Variants in CNDP1 observed in about 807,000 individuals in gnomAD.
CNDP1 encodes beta-Ala-His dipeptidase.
CNDP1 carries 44 observed loss-of-function variants against 58.1 expected under a neutral mutation model. That is an observed-to-expected ratio of 0.76 (90% confidence interval 0.60 to 0.97). The LOEUF (loss-of-function observed/expected upper bound fraction) is 0.97. Among genes scored for constraint, CNDP1 ranks in the 50% least tolerant of loss-of-function variants. CNDP1 has a pLI of 0.00. For missense variants in CNDP1, 616 were observed against 655.1 expected, an observed-to-expected ratio of 0.94 and a Z score of 0.65; for synonymous variants, 254 against 252.6, an observed-to-expected ratio of 1.01 and a Z score of -0.05.
At chr18:74,579,208 C>CCCTTCCCTTG (rs1555711491) in intron 9 of CNDP1, among the ~76,000 whole-genome samples, 255 of 37,968 alleles carry the variant, frequency 6.7e-3, no homozygotes, top group African/African-American at 0.02. Flanking sequence ...CCCTTGCCTT[C>CCCTTCCCTTG]CCTTCCCTTC....
chr18:74,569,045 G>A (rs1335868067), intron 6 of CNDP1, among the ~76,000 whole-genome samples: 1 of 152,156 alleles, frequency 6.6e-6, no homozygotes, highest in Non-Finnish European at 1.5e-5. Flanking sequence ...CATCTTGGAA[G>A]GGTCAAGGGA....
chr18:74,536,383 A>T (rs1980487063), intron 1 of CNDP1, among the ~76,000 whole-genome samples: 1 of 152,240 alleles, frequency 6.6e-6, no homozygotes, highest in African/African-American at 2.4e-5. Context: ...AAATGAGAAC[A>T]TGCAGTGTCT....
intron 1 of CNDP1, among the ~76,000 whole-genome samples, chr18:74,547,941 G>A (rs1432469948): frequency 1.3e-5 from 2 of 152,114 alleles, no homozygotes; most frequent in African/African-American, 4.8e-5. Flanking sequence ...AATAAACACA[G>A]GCCTATGCAG....
At chr18:74,573,361 A>G (rs931413213) in intron 7 of CNDP1, among the ~76,000 whole-genome samples, 1 of 145,218 alleles carries the variant, frequency 6.9e-6, no homozygotes, top group Non-Finnish European at 1.5e-5. Flanking sequence ...TTCATTATCT[A>G]TCCATCTATC....
intron 10 of CNDP1, among the ~76,000 whole-genome samples, chr18:74,582,091 A>G (rs1234514083): frequency 6.6e-6 from 1 of 152,220 alleles, no homozygotes; most frequent in African/African-American, 2.4e-5. Context: ...TTTCGCCAGT[A>G]AACTTTAGGA....
chr18:74,539,677 T>C (rs1034433792), intron 1 of CNDP1, among the ~76,000 whole-genome samples: 23 of 152,248 alleles, frequency 1.5e-4, no homozygotes, highest in African/African-American at 4.8e-4. Context: ...GCGGTGGCCA[T>C]GAGCTCAGGT....
intron 7 of CNDP1, among the ~76,000 whole-genome samples, chr18:74,571,841 G>A (rs1258765677): frequency 6.6e-6 from 1 of 152,162 alleles, no homozygotes; most frequent in Non-Finnish European, 1.5e-5. Context: ...TTCTGGGTGT[G>A]GGTGACCAGG....
chr18:74,550,733 C>A (rs112112253), intron 1 of CNDP1, among the ~76,000 whole-genome samples: 4 of 142,738 alleles, frequency 2.8e-5, no homozygotes, highest in African/African-American at 7.9e-5. Flanking sequence ...CCTGCCACCA[C>A]GCCCGACTAT....
chr18:74,576,736 C>A (rs1219981901), intron 7 of CNDP1, 133 bp from the exon 8 acceptor site: 1 of 693,170 alleles, frequency 1.4e-6, no homozygotes, highest in Non-Finnish European at 2.3e-6. Flanking sequence ...CTGCCAATGG[C>A]TTTGGCCACG....
chr18:74,566,537 T>C (rs534930296), intron 5 of CNDP1, among the ~76,000 whole-genome samples: 29 of 152,344 alleles, frequency 1.9e-4, no homozygotes, highest in Non-Finnish European at 3.2e-4. Flanking sequence ...TCCACAAATC[T>C]CTGGGGCAGG....
chr18:74,548,444 C>G (rs1450357589), intron 1 of CNDP1, among the ~76,000 whole-genome samples: 1 of 152,130 alleles, frequency 6.6e-6, no homozygotes, highest in African/African-American at 2.4e-5. Flanking sequence ...TGAGGCCTCC[C>G]CAGAAGCTGA....
chr18:74,540,441 T>A (rs1980590534), intron 1 of CNDP1, among the ~76,000 whole-genome samples: 1 of 152,176 alleles, frequency 6.6e-6, no homozygotes, highest in Admixed American at 6.5e-5. Flanking sequence ...ATTACAGGTG[T>A]GAGCCACCAC....
chr18:74,575,542 C>G (rs567333454), intron 7 of CNDP1, among the ~76,000 whole-genome samples: 2 of 152,282 alleles, frequency 1.3e-5, no homozygotes, highest in African/African-American at 4.8e-5. Context: ...TACTAAATCT[C>G]AACATCTGCT....
chr18:74,576,141 T>C (rs1473356275), intron 7 of CNDP1: 1 of 152,208 alleles, frequency 6.6e-6, no homozygotes, highest in Non-Finnish European at 1.5e-5. Flanking sequence ...CTGCTGGGAT[T>C]TCAGGCATGA....
rs755898434 is a variant in CNDP1, at chr18:74,577,025, C to T, written c.998C>T (p.Thr333Ile). ...CGGGTTGAGAAATTTCTGTTCGATA[C>T]TAAGGTATGGCCACAGACTGATGGA... is the stretch of plus-strand genomic sequence containing the variant. The part of the protein sequence containing the change: ...SSRVEKFLFD[T>I]KEEILMHLWR... The change falls in exon 8 of 12, where the codon ACT becomes ATT. Residue 333 changes from threonine (T) to isoleucine (I), a missense_variant. Coordinates refer to ENST00000358821, the MANE Select transcript of CNDP1 (RefSeq NM_032649.6). 1.9e-6 allele frequency: 3 copies of T among 1,610,892 alleles called. No homozygotes were observed. The highest frequency in any genetic ancestry group is 3.3e-5 in the Admixed American group (2 of 59,728).
chr18:74,547,514 C>T (rs542361985), intron 1 of CNDP1, among the ~76,000 whole-genome samples: 3 of 152,346 alleles, frequency 2.0e-5, no homozygotes, highest in Non-Finnish European at 4.4e-5. Context: ...TCCCACAGCA[C>T]CCCTGCTCCA....
At chr18:74,560,761 C>T in intron 3 of CNDP1, 95 bp from the exon 4 acceptor site, 2 of 1,149,524 alleles carry the variant, frequency 1.7e-6, no homozygotes, top group South Asian at 1.3e-5. Context: ...CTCAGTTTCT[C>T]CCAATGTCAA....
At chr18:74,571,999 G>A (rs566637165) in intron 7 of CNDP1, among the ~76,000 whole-genome samples, 71 of 152,274 alleles carry the variant, frequency 4.7e-4, no homozygotes, top group African/African-American at 1.6e-3. Flanking sequence ...TGTGCAGAAC[G>A]CTTGTCACGG....
At chr18:74,536,142 T>C (rs1008259518) in intron 1 of CNDP1, among the ~76,000 whole-genome samples, 2 of 152,238 alleles carry the variant, frequency 1.3e-5, no homozygotes, top group Non-Finnish European at 2.9e-5. Flanking sequence ...CTTTTACTTT[T>C]TTTTAACTTT....
Sources: gnomAD v4.1 joint callset for allele counts (sites outside exome capture counted in the v4.1 genomes callset) on GRCh38, gnomAD v4.1.1 for gene constraint, MANE v1.5 for transcripts, NCBI Gene and HGNC (gene_info 2026-07-23, HGNC 2026-07-21) for gene names.